Variants in ADAT2 observed in about 807,000 individuals in gnomAD.
ADAT2 encodes adenosine deaminase tRNA specific 2, also known as tRNA-specific adenosine-34 deaminase catalytic subunit ADAT2.
A neutral mutation model predicts 25.9 loss-of-function variants in ADAT2; 26 were observed. That is an observed-to-expected ratio of 1.00 (90% CI 0.74 to 1.39). ADAT2 has a LOEUF of 1.39. Among genes scored for constraint, ADAT2 ranks in the 40% most tolerant of loss-of-function variants. The pLI is 0.00. For synonymous variants in ADAT2, 76 were observed against 86.8 expected (o/e 0.88, Z 0.69); for missense variants, 220 against 244.8 (o/e 0.90, Z 0.68).
rs571816176 is a variant in ADAT2 at position 143,432,825 on chromosome 6, C to T, written c.353-214G>A. Among the ~76,000 whole-genome samples the T allele has an allele frequency of 6.6e-6, 1 of 152,308 alleles. No individual in the cohort carries two copies. The highest frequency in any genetic ancestry group is 6.5e-5 in the Admixed American group (1 of 15,306). ...GAAATTGACATTTAACAACTGCAAA[C>T]AGAATGAAAACTGAGTATGTGTTTG... On this transcript the variant is annotated intron_variant, in intron 3 of 5. Coordinates refer to ENST00000237283, the MANE Select transcript of ADAT2 (RefSeq NM_182503.3). The surrounding 1 kb of genome is among the most constrained non-coding windows in gnomAD (Gnocchi z 4.4).
chr6:143,444,814 T>C lies in ADAT2; in HGVS notation c.96+5749A>G, dbSNP rs1779555798. The C allele has an allele frequency of 2.8e-6, 2 of 721,430 alleles. No homozygotes were observed. Among genetic ancestry groups the C allele is most frequent in the South Asian group, 2.4e-5 (1 of 41,644 alleles). The allele number at this position is 721,430 out of a possible 1,614,324, so 44.7% of individuals were successfully genotyped here. On this transcript the variant is annotated intron_variant, in intron 1 of 5. Coordinates refer to ENST00000237283, the MANE Select transcript of ADAT2 (RefSeq NM_182503.3). This position sits in a 1 kb window ranked among gnomAD's most constrained non-coding sequence, Gnocchi z 4.3. Reference sequence around the variant, plus strand: ...TCAGGGCCTGCCCAGATACAGATAATGAAAGCACCTAGATGGAAGAGACTT... The same window carrying C: ...TCAGGGCCTGCCCAGATACAGATAACGAAAGCACCTAGATGGAAGAGACTT...
In ADAT2 at chr6:143,445,075, C is replaced by T. The variant is rs1295769098; in HGVS notation, c.96+5488G>A. On this transcript the variant is annotated intron_variant, in intron 1 of 5. Coordinates refer to ENST00000237283, the MANE Select transcript of ADAT2 (RefSeq NM_182503.3). ...ACTATATAACTGTTTCTGCTAATTA[C>T]TCTCTTCTGAGTGATTACTCTCTGA... The T allele has an allele frequency of 1.5e-5, 8 of 549,984 alleles. No individual in the cohort carries two copies. The African/African-American group carries it at 1.6e-4, about 11-fold the overall frequency. 34.1% of individuals were successfully genotyped at this position (549,984 alleles called of 1,614,324 possible).
intron 4 of ADAT2, among the ~76,000 whole-genome samples, chr6:143,429,663 G>A (rs1257692242): frequency 6.6e-6 from 1 of 152,118 alleles, no homozygotes; most frequent in South Asian, 2.1e-4. Flanking sequence ...AAATATGTAC[G>A]GCTTTGAAAG....
In ADAT2 at chr6:143,432,899, T is replaced by C. The variant is rs1340523375; in HGVS notation, c.353-288A>G. ...CTCTCTGCTCTTTCCTAAATCACTT[T>C]TTCAGAATCATTAGGGAGTCAGAAC... On this transcript the variant is annotated intron_variant, in intron 3 of 5. Coordinates refer to ENST00000237283, the MANE Select transcript of ADAT2 (RefSeq NM_182503.3). This position sits in a 1 kb window ranked among gnomAD's most constrained non-coding sequence, Gnocchi z 4.4. Among the ~76,000 whole-genome samples, 1 of 152,208 alleles carries C rather than the reference T, an allele frequency of 6.6e-6. No homozygotes were observed. Among genetic ancestry groups the C allele is most frequent in the African/African-American group, 2.4e-5 (1 of 41,446 alleles).
rs1779197763 is a variant in ADAT2, at chr6:143,434,133, G to A, written c.202-152C>T. The stretch of plus-strand genomic sequence containing the variant: ...CAAGACACCCTTAGCAGTGGACAAC[G>A]TATTCCCCAATTCAAGTACCATAAC... On this transcript the variant is annotated intron_variant, in intron 2 of 5. Transcript: ENST00000237283. This position sits in a 1 kb window ranked among gnomAD's most constrained non-coding sequence, Gnocchi z 4.5. 10 of 901,898 alleles carry A rather than the reference G, an allele frequency of 1.1e-5. No homozygotes were observed. The highest frequency in any genetic ancestry group is 1.3e-5 in the Non-Finnish European group (8 of 602,344). 55.9% of individuals were successfully genotyped at this position (901,898 alleles called of 1,614,324 possible). A position where few individuals can be genotyped will look rare whatever the true frequency, so the allele number is the denominator to read the frequency against.
At chr6:143,448,202 G>A (rs1322035695) in intron 1 of ADAT2, among the ~76,000 whole-genome samples, 4 of 152,154 alleles carry the variant, frequency 2.6e-5, no homozygotes, top group Non-Finnish European at 5.9e-5. Context: ...ATTGAACAAT[G>A]AGAACACTTG....
In ADAT2 at chr6:143,436,928, A is replaced by G. The variant is rs554575565; in HGVS notation, c.201+1662T>C. On this transcript the variant is annotated intron_variant, in intron 2 of 5. Coordinates refer to ENST00000237283, the MANE Select transcript of ADAT2 (RefSeq NM_182503.3). The surrounding 1 kb of genome is among the most constrained non-coding windows in gnomAD (Gnocchi z 4.1). ...TTCTCACTTATTACAGGGTAAATTT[A>G]AAACTGATTCATTAAAAAGTTGTCT... Among the ~76,000 whole-genome samples the G allele has an allele frequency of 6.9e-4, 105 of 152,218 alleles. 1 individual carries two copies. Among genetic ancestry groups the G allele is most frequent in the Non-Finnish European group, 1.3e-4 (9 of 68,032 alleles).
At position 143,425,351 on chromosome 6, in the gene ADAT2, C is replaced by CAAAAAAAAAAA. The variant is rs775768101; in HGVS notation, c.*3101_*3111dup. 1 of 92,214 alleles carries CAAAAAAAAAAA rather than the reference C, an allele frequency of 1.1e-5. No homozygotes were observed. Among genetic ancestry groups the CAAAAAAAAAAA allele is most frequent in the African/African-American group, 4.1e-5 (1 of 24,590 alleles). 5.7% of individuals were successfully genotyped at this position (92,214 alleles called of 1,614,324 possible). A position where few individuals can be genotyped will look rare whatever the true frequency, so the allele number is the denominator to read the frequency against. ...GCAACATAGTGAGACCTTGTCTCTA[C>CAAAAAAAAAAA]AAAAAAAAAAAAAAAAAAAAATTAG... On this transcript the variant is annotated 3_prime_UTR_variant, in exon 6 of 6. Transcript: ENST00000237283.
chr6:143,442,095 T>C lies in ADAT2; in HGVS notation c.97-3401A>G, dbSNP rs1157301962. On this transcript the variant is annotated intron_variant, in intron 1 of 5. Coordinates refer to ENST00000237283, the MANE Select transcript of ADAT2 (RefSeq NM_182503.3). This position sits in a 1 kb window ranked among gnomAD's most constrained non-coding sequence, Gnocchi z 4.6. ...AAAACCTATGCTCACACAATGTATG[T>C]CTGTGTGCACAAATATTCATAACAG... 2 of 152,226 alleles carry C rather than the reference T, an allele frequency of 1.3e-5. No individual in the cohort carries two copies. The highest frequency in any genetic ancestry group is 2.9e-5 in the Non-Finnish European group (2 of 68,040). 9.4% of individuals were successfully genotyped at this position (152,226 alleles called of 1,614,324 possible). A position where few individuals can be genotyped will look rare whatever the true frequency, so the allele number is the denominator to read the frequency against.
chr6:143,430,641 C>A (rs919170891), intron 4 of ADAT2, among the ~76,000 whole-genome samples: 3 of 152,156 alleles, frequency 2.0e-5, no homozygotes, highest in Admixed American at 2.0e-4. Context: ...GGCTCACTCA[C>A]TGCGAGCTCT....
At chr6:143,449,389 C>A (rs1779690295) in intron 1 of ADAT2, among the ~76,000 whole-genome samples, 1 of 152,122 alleles carries the variant, frequency 6.6e-6, no homozygotes, top group Non-Finnish European at 1.5e-5. Context: ...TAGATGTTTT[C>A]AAAGAATTTC....
At chr6:143,441,310 G>T (rs1779449747) in intron 1 of ADAT2, 1 of 152,094 alleles carries the variant, frequency 6.6e-6, no homozygotes, top group African/African-American at 2.4e-5. Context: ...ACTATATAAA[G>T]GACTCTTAAA....
chr6:143,429,148 T>C (rs893727303), intron 4 of ADAT2, among the ~76,000 whole-genome samples: 2 of 152,224 alleles, frequency 1.3e-5, no homozygotes, highest in African/African-American at 4.8e-5. Context: ...CATTCCATGC[T>C]ATAGAGCTAG....
Position 143,450,680 on chromosome 6 carries a change from A to C in ADAT2, c.-22T>G, listed in dbSNP as rs762182521. 14 of 1,611,072 alleles carry C rather than the reference A, an allele frequency of 8.7e-6. No individual in the cohort carries two copies. The South Asian group carries it at 9.9e-5, about 11-fold the overall frequency. On this transcript the variant is annotated 5_prime_UTR_variant, in exon 1 of 6. Transcript: ENST00000237283. ...CCATACCCAGCCACCACTCAGCTAC[A>C]GAGCCCGCGGCAGAGGAGGAGCGCG...
At position 143,425,733 on chromosome 6, in the gene ADAT2, T is replaced by TG. The variant is rs1778912429; in HGVS notation, c.*2729_*2730insC. The stretch of plus-strand genomic sequence containing the variant: ...GGTAAAGGGCCATGGTGTGTTGTGT[T>TG]TGTGTGTGTGTGTGTGTGTGTGTGT... On this transcript the variant is annotated 3_prime_UTR_variant, in exon 6 of 6. Coordinates refer to ENST00000237283, the MANE Select transcript of ADAT2 (RefSeq NM_182503.3). 4.4e-5 allele frequency: 6 copies of TG among 136,514 alleles called. No homozygotes were observed. The highest frequency in any genetic ancestry group is 4.5e-4 in the East Asian group (2 of 4,430). The allele number at this position is 136,514 out of a possible 1,614,324, so 8.5% of individuals were successfully genotyped here.
chr6:143,449,215 T>A (rs141404740), intron 1 of ADAT2, among the ~76,000 whole-genome samples: 30 of 152,248 alleles, frequency 2.0e-4, no homozygotes, highest in African/African-American at 6.7e-4. Context: ...GCCCTACTAA[T>A]TTTTAAATTT....
intron 1 of ADAT2, among the ~76,000 whole-genome samples, chr6:143,443,754 C>T (rs1779524094): frequency 6.6e-6 from 1 of 151,732 alleles, no homozygotes; most frequent in Non-Finnish European, 1.5e-5. Context: ...TCGCTTGAAC[C>T]CAGGAGGCGG....
chr6:143,439,630 TAAAAC>T (rs1476098781), intron 1 of ADAT2, among the ~76,000 whole-genome samples: 2 of 152,106 alleles, frequency 1.3e-5, no homozygotes, highest in African/African-American at 2.4e-5. Context: ...CCAGAATAGA[TAAAAC>T]TAAACTACAA....
chr6:143,448,900 C>G (rs756951736), intron 1 of ADAT2, among the ~76,000 whole-genome samples: 1 of 152,066 alleles, frequency 6.6e-6, no homozygotes, highest in Non-Finnish European at 1.5e-5. Context: ...ATATTCATAG[C>G]CTTTGACCTT....
Sources: allele counts gnomAD v4.1 joint callset (sites outside exome capture counted in the v4.1 genomes callset), GRCh38; gene constraint gnomAD v4.1.1; non-coding constraint Gnocchi (gnomAD v3.1); transcripts MANE v1.5; gene names NCBI Gene and HGNC (gene_info 2026-07-23, HGNC 2026-07-21).